ZDHHC13: variants seen among roughly 807,000 people sequenced by gnomAD.
ZDHHC13 encodes palmitoyltransferase ZDHHC13.
In ZDHHC13, 85 loss-of-function variants were observed where a neutral mutation model predicts 86.0. The ratio of observed to expected loss-of-function variants is 0.99; its 90% CI spans 0.83 to 1.18. ZDHHC13 has a LOEUF of 1.18. ZDHHC13 is among the 50% of genes most tolerant of loss of function. The pLI is 0.00. For synonymous variants in ZDHHC13, 263 were observed against 246.4 expected (o/e 1.07, Z -0.63); for missense variants, 711 against 730.2 (o/e 0.97, Z 0.30).
chr11:19,117,178 CA>C lies in ZDHHC13; in HGVS notation c.-70del. Reference sequence around the variant, plus strand: ...GCAGGAAGTGGGAGAAGAGGCGACCCAAGGCGGGCTGGCGGGCTGGCGGCAG... The same window carrying C: ...GCAGGAAGTGGGAGAAGAGGCGACCCAGGCGGGCTGGCGGGCTGGCGGCAG... On this transcript the variant is annotated 5_prime_UTR_variant, in exon 1 of 17. Coordinates refer to ENST00000446113, the MANE Select transcript of ZDHHC13 (RefSeq NM_019028.3). The surrounding 1 kb of genome is among the most constrained non-coding windows in gnomAD (Gnocchi z 4.2). The C allele has an allele frequency of 6.6e-7, 1 of 1,510,884 alleles. No homozygotes were observed. The allele number at this position is 1,510,884 out of a possible 1,614,324, so 93.6% of individuals were successfully genotyped here.
Position 19,142,490 on chromosome 11 carries a change from T to C in ZDHHC13, c.28-488T>C, listed in dbSNP as rs80275468. Among the ~76,000 whole-genome samples, 1,318 of 152,260 alleles carry C rather than the reference T, an allele frequency of 8.7e-3. 17 individuals are homozygous for C. Among genetic ancestry groups the C allele is most frequent in the African/African-American group, 0.03 (1,253 of 41,550 alleles). On this transcript the variant is annotated intron_variant, in intron 1 of 16. Transcript: ENST00000446113. Reference sequence around the variant, plus strand: ...AGGAATTATATGAGAACTTGATTAATTGGGGGGTTCGAGGATATTCTTAGG... The same window carrying C: ...AGGAATTATATGAGAACTTGATTAACTGGGGGGTTCGAGGATATTCTTAGG...
chr11:19,141,602 G>C (rs952196786), intron 1 of ZDHHC13, among the ~76,000 whole-genome samples: 1 of 151,376 alleles, frequency 6.6e-6, no homozygotes, highest in African/African-American at 2.4e-5. Flanking sequence ...CCAAAAGGCT[G>C]TAGTAATGGA....
chr11:19,172,902 G>A, intron 16 of ZDHHC13, 82 bp downstream of exon 16: 1 of 1,261,124 alleles, frequency 7.9e-7, no homozygotes, highest in Non-Finnish European at 1.1e-6. Context: ...ACTACCCATG[G>A]CCATGCTGCT....
rs921038913 is a variant in ZDHHC13, at chr11:19,117,359, C to G, written c.27+83C>G. On this transcript the variant is annotated intron_variant, in intron 1 of 16. Coordinates refer to ENST00000446113, the MANE Select transcript of ZDHHC13 (RefSeq NM_019028.3). The surrounding 1 kb of genome is among the most constrained non-coding windows in gnomAD (Gnocchi z 4.2). ...AGGAAAGGATGGTGTGGGTGAGAGG[C>G]CGCTCGATGAGGGGGTTTCGGGAGC... The G allele has an allele frequency of 3.7e-6, 5 of 1,334,468 alleles. No homozygotes were observed. The highest frequency in any genetic ancestry group is 4.9e-6 in the Non-Finnish European group (5 of 1,025,144). 82.7% of individuals were successfully genotyped at this position (1,334,468 alleles called of 1,614,324 possible).
At chr11:19,154,031 A>G (rs1849689748) in intron 8 of ZDHHC13, among the ~76,000 whole-genome samples, 1 of 152,172 alleles carries the variant, frequency 6.6e-6, no homozygotes, top group African/African-American at 2.4e-5. Context: ...TTATCAGCTC[A>G]CATTCCTATG....
chr11:19,140,275 CA>C (rs1849276320), intron 1 of ZDHHC13, among the ~76,000 whole-genome samples: 1 of 152,046 alleles, frequency 6.6e-6, no homozygotes, highest in South Asian at 2.1e-4. Flanking sequence ...AGACACTTCT[CA>C]AAAGAAGACA....
chr11:19,164,862 T>C, intron 12 of ZDHHC13, 190 bp from the exon 13 acceptor site: 1 of 578,514 alleles, frequency 1.7e-6, no homozygotes. Context: ...TCCCACTTAG[T>C]GATGTCCTAA....
At chr11:19,171,341 T>C (rs1850215665) in intron 15 of ZDHHC13, among the ~76,000 whole-genome samples, 1 of 152,180 alleles carries the variant, frequency 6.6e-6, no homozygotes, top group African/African-American at 2.4e-5. Flanking sequence ...CTGAATCAAT[T>C]ACTGTAAGAC....
At chr11:19,171,746 A>G (rs1450696432) in intron 15 of ZDHHC13, among the ~76,000 whole-genome samples, 1 of 152,196 alleles carries the variant, frequency 6.6e-6, no homozygotes, top group African/African-American at 2.4e-5. Context: ...AATATCCTTA[A>G]TTTTTTAGAA....
intron 11 of ZDHHC13, 65 bp from the exon 12 acceptor site, chr11:19,164,236 G>A (rs1395782397): frequency 2.0e-6 from 3 of 1,521,952 alleles, no homozygotes; most frequent in African/African-American, 1.4e-5. Flanking sequence ...TGAGAATGGT[G>A]TATAACCATG....
chr11:19,124,065 A>C (rs529574099), intron 1 of ZDHHC13, among the ~76,000 whole-genome samples: 1 of 152,286 alleles, frequency 6.6e-6, no homozygotes, highest in South Asian at 2.1e-4. Context: ...TAGAATGCCC[A>C]GGGTGTTGAT....
chr11:19,146,452 A>G (rs1487360525), intron 3 of ZDHHC13, 149 bp downstream of exon 3: 3 of 1,001,674 alleles, frequency 3.0e-6, no homozygotes, highest in Admixed American at 7.2e-5. Context: ...GTTGGTTATT[A>G]TAAAGTTGAA....
At chr11:19,139,062 AG>A (rs1210580494) in intron 1 of ZDHHC13, among the ~76,000 whole-genome samples, 1 of 152,120 alleles carries the variant, frequency 6.6e-6, no homozygotes, top group Non-Finnish European at 1.5e-5. Flanking sequence ...AGTTCTGGCC[AG>A]GGCAATTAGG....
intron 4 of ZDHHC13, 109 bp downstream of exon 4, chr11:19,147,782 C>CCT (rs943510765): frequency 1.8e-5 from 13 of 728,606 alleles, no homozygotes; most frequent in African/African-American, 1.9e-5. Context: ...TCCCCCCCCC[C>CCT]CTTTATTTAA....
At position 19,155,847 on chromosome 11, in the gene ZDHHC13, A is replaced by T; in HGVS notation, c.925A>T (p.Ile309Leu). The T allele has an allele frequency of 6.2e-7, 1 of 1,613,180 alleles. No individual in the cohort carries two copies. The highest frequency in any genetic ancestry group is 8.5e-7 in the Non-Finnish European group (1 of 1,179,754). Residue 309 changes from isoleucine to leucine, a missense_variant, in exon 9 of 17, where the codon ATA (isoleucine) becomes TTA (leucine). Coordinates refer to ENST00000446113, the MANE Select transcript of ZDHHC13 (RefSeq NM_019028.3). Reference protein sequence around the residue: ...SVITMWAIGYILDFNSDSWLL... With the variant: ...SVITMWAIGYLLDFNSDSWLL... ...GATTACCATGTGGGCTATTGGATAC[A>T]TATTGGACTTCAATTCAGATTCTTG... is the stretch of plus-strand genomic sequence containing the variant.
chr11:19,155,820 G>A lies in ZDHHC13; in HGVS notation c.898G>A (p.Val300Met). Residue 300 changes from valine (V) to methionine (M), a missense_variant, in exon 9 of 17, where the codon GTG (valine) becomes ATG (methionine). Val to Met is a conservative substitution (Grantham distance 21). Transcript: ENST00000446113. ...CELFLLLMLSVITMWAIGYIL... is the reference protein window; with the variant it reads ...CELFLLLMLSMITMWAIGYIL... The stretch of plus-strand genomic sequence containing the variant: ...GCTCTTCCTGCTGCTGATGCTTTCT[G>A]TGATTACCATGTGGGCTATTGGATA... 1 of 1,611,720 alleles carries A rather than the reference G, an allele frequency of 6.2e-7. No homozygotes were observed. The highest frequency in any genetic ancestry group is 8.5e-7 in the Non-Finnish European group (1 of 1,179,488).
chr11:19,128,331 G>T (rs1848920109), intron 1 of ZDHHC13, among the ~76,000 whole-genome samples: 1 of 152,150 alleles, frequency 6.6e-6, no homozygotes, highest in Non-Finnish European at 1.5e-5. Flanking sequence ...TTGTTTATCT[G>T]CTGAAGGAGC....
In ZDHHC13 at chr11:19,164,225, G is replaced by GTT; in HGVS notation, c.1234-75_1234-74insTT. The stretch of plus-strand genomic sequence containing the variant: ...ACTACTTCAGTTTGGAGCGAGAACT[G>GTT]TGAGAATGGTGTATAACCATGCATA... On this transcript the variant is annotated intron_variant, in intron 11 of 16. Coordinates refer to ENST00000446113, the MANE Select transcript of ZDHHC13 (RefSeq NM_019028.3). The GTT allele has an allele frequency of 2.8e-6, 4 of 1,449,466 alleles. No individual in the cohort carries two copies. In the Admixed American group the frequency reaches 7.7e-5, roughly 28 times the overall value. 89.8% of individuals were successfully genotyped at this position (1,449,466 alleles called of 1,614,324 possible).
intron 15 of ZDHHC13, among the ~76,000 whole-genome samples, chr11:19,171,972 A>G (rs1850232999): frequency 6.6e-6 from 1 of 152,130 alleles, no homozygotes; most frequent in African/African-American, 2.4e-5. Flanking sequence ...CACACTGACC[A>G]AGGAGTCAGT....
Sources: gnomAD v4.1 joint callset for allele counts (sites outside exome capture counted in the v4.1 genomes callset) on GRCh38, gnomAD v4.1.1 for gene constraint, Gnocchi (gnomAD v3.1) non-coding constraint, MANE v1.5 for transcripts, NCBI Gene and HGNC (gene_info 2026-07-23, HGNC 2026-07-21) for gene names.